PHACTR1: variants seen among roughly 807,000 people sequenced by gnomAD.
The protein encoded by PHACTR1 is phosphatase and actin regulator 1, also known as RPEL repeat containing 1.
In PHACTR1, 16 loss-of-function variants were observed where a neutral mutation model predicts 69.2. That is an observed-to-expected ratio of 0.23 (90% CI 0.16 to 0.35). The LOEUF is 0.35. Ranked by LOEUF, PHACTR1 falls within the 10% of genes least tolerant of loss-of-function variation. The probability of loss-of-function intolerance (pLI) is 1.00; values close to 1 mark genes in which losing one functional copy is unlikely to be tolerated. For missense variants in PHACTR1, 510 were observed against 734.7 expected (o/e 0.69, Z 3.54); for synonymous variants, 312 against 284.5 (o/e 1.10, Z -0.97).
Position 13,003,601 on chromosome 6 carries a change from T to G in PHACTR1, c.251-49764T>G, listed in dbSNP as rs146416782. Among the ~76,000 whole-genome samples the G allele has an allele frequency of 4.5e-3, 680 of 152,182 alleles. 24 individuals are homozygous for G. Among genetic ancestry groups the G allele is most frequent in the Admixed American group, 0.04 (610 of 15,276 alleles). On this transcript the variant is annotated intron_variant, in intron 4 of 14. Coordinates refer to ENST00000332995, the MANE Select transcript of PHACTR1 (RefSeq NM_030948.6). ...CTGCTTCTTTTAAAAAATTTTTTAATAGATTTAGGAAGTATAAGTGTCATT... is the reference window on the plus strand; with the variant it reads ...CTGCTTCTTTTAAAAAATTTTTTAAGAGATTTAGGAAGTATAAGTGTCATT...
chr6:13,003,486 T>C (rs1798336684), intron 4 of PHACTR1, among the ~76,000 whole-genome samples: 1 of 152,338 alleles, frequency 6.6e-6, no homozygotes, highest in African/African-American at 2.4e-5. Flanking sequence ...TGTAAATAGA[T>C]AGATGGATAG....
At chr6:13,144,925 A>G (rs566860401) in intron 5 of PHACTR1, among the ~76,000 whole-genome samples, 3 of 152,340 alleles carry the variant, frequency 2.0e-5, no homozygotes, top group African/African-American at 7.2e-5. Flanking sequence ...GGTGCAGGAT[A>G]GGCAAAGATA....
At chr6:13,119,043 G>A (rs1460748078) in intron 5 of PHACTR1, among the ~76,000 whole-genome samples, 1 of 151,912 alleles carries the variant, frequency 6.6e-6, no homozygotes, top group Non-Finnish European at 1.5e-5. Flanking sequence ...CTTATTAGAG[G>A]GCTTACGAAA....
intron 10 of PHACTR1, among the ~76,000 whole-genome samples, chr6:13,247,232 G>C (rs1318613380): frequency 6.6e-6 from 1 of 152,104 alleles, no homozygotes; most frequent in Non-Finnish European, 1.5e-5. Flanking sequence ...GTATTGAAAA[G>C]AGGTTTGCCT....
chr6:12,734,602 T>C (rs1459524155), intron 3 of PHACTR1, among the ~76,000 whole-genome samples: 1 of 152,136 alleles, frequency 6.6e-6, no homozygotes, highest in Non-Finnish European at 1.5e-5. Context: ...AGAAAAATAA[T>C]ATCCACATTA....
chr6:12,792,016 C>A (rs1161791435), intron 4 of PHACTR1, among the ~76,000 whole-genome samples: 1 of 152,116 alleles, frequency 6.6e-6, no homozygotes, highest in Non-Finnish European at 1.5e-5. Flanking sequence ...GCAGCCCCAA[C>A]AATGTGACAT....
chr6:13,146,830 T>C (rs904362738), intron 5 of PHACTR1, among the ~76,000 whole-genome samples: 1 of 152,202 alleles, frequency 6.6e-6, no homozygotes, highest in African/African-American at 2.4e-5. Flanking sequence ...AATCAATGAA[T>C]TTTCTTTTTA....
intron 4 of PHACTR1, among the ~76,000 whole-genome samples, chr6:12,968,699 G>T (rs1484675801): frequency 6.6e-6 from 1 of 152,096 alleles, no homozygotes. Flanking sequence ...AAGGGATATT[G>T]GATATATAGT....
chr6:12,786,200 T>A (rs1771524309), intron 4 of PHACTR1, among the ~76,000 whole-genome samples: 1 of 152,200 alleles, frequency 6.6e-6, no homozygotes, highest in African/African-American at 2.4e-5. Flanking sequence ...TATAAAGGAA[T>A]GTAATTGGGT....
intron 5 of PHACTR1, among the ~76,000 whole-genome samples, chr6:13,101,822 TG>T (rs1815212108): frequency 6.6e-6 from 1 of 152,160 alleles, no homozygotes; most frequent in Non-Finnish European, 1.5e-5. Flanking sequence ...ACAAACTCAG[TG>T]GTACGTCTCA....
At chr6:13,049,620 G>C (rs1487095384) in intron 4 of PHACTR1, among the ~76,000 whole-genome samples, 2 of 152,164 alleles carry the variant, frequency 1.3e-5, no homozygotes, top group African/African-American at 4.8e-5. Context: ...CAGAGATCCC[G>C]GGATGAGTGC....
chr6:12,876,572 G>C (rs1165972889), intron 4 of PHACTR1, among the ~76,000 whole-genome samples: 1 of 152,118 alleles, frequency 6.6e-6, no homozygotes, highest in Non-Finnish European at 1.5e-5. Context: ...TCTCCTGCAA[G>C]GCCAAGCATG....
rs1485763842 is a variant in PHACTR1 at position 13,038,767 on chromosome 6, C to T, written c.251-14598C>T. Among the ~76,000 whole-genome samples the T allele has an allele frequency of 4.6e-5, 7 of 152,268 alleles. No homozygotes were observed. The East Asian group carries it at 9.6e-4, about 21-fold the overall frequency. On this transcript the variant is annotated intron_variant, in intron 4 of 14. Transcript: ENST00000332995. The stretch of plus-strand genomic sequence containing the variant: ...CTCTCATATAAAAGAAGCACAGAGG[C>T]GGTCAGTTTAAGGCTGCTATGTCTG...
At chr6:12,836,227 A>T (rs1778145945) in intron 4 of PHACTR1, among the ~76,000 whole-genome samples, 1 of 152,136 alleles carries the variant, frequency 6.6e-6, no homozygotes, top group African/African-American at 2.4e-5. Flanking sequence ...CCTGGTACTG[A>T]GTTTCAACTG....
chr6:13,019,829 T>G (rs1046704738), intron 4 of PHACTR1, among the ~76,000 whole-genome samples: 1 of 152,194 alleles, frequency 6.6e-6, no homozygotes, highest in African/African-American at 2.4e-5. Context: ...GCCCTAAACT[T>G]CAATTTCTTC....
At chr6:12,898,918 A>G (rs1320299336) in intron 4 of PHACTR1, among the ~76,000 whole-genome samples, 1 of 152,106 alleles carries the variant, frequency 6.6e-6, no homozygotes, top group African/African-American at 2.4e-5. Context: ...GCCTCGCTGT[A>G]TCTCACCCCT....
chr6:12,755,804 G>T (rs557497903), intron 4 of PHACTR1, among the ~76,000 whole-genome samples: 75 of 152,182 alleles, frequency 4.9e-4, no homozygotes, highest in Middle Eastern at 3.4e-3. Context: ...AATTAAACGG[G>T]TATGTAAGAT....
intron 10 of PHACTR1, among the ~76,000 whole-genome samples, chr6:13,261,352 G>T (rs1049297726): frequency 4.6e-5 from 7 of 152,148 alleles, no homozygotes; most frequent in African/African-American, 1.7e-4. Context: ...AAAGGTTAAA[G>T]GTAAGGAAAA....
chr6:12,834,811 G>A (rs1479538031), intron 4 of PHACTR1, among the ~76,000 whole-genome samples: 5 of 152,076 alleles, frequency 3.3e-5, no homozygotes, highest in African/African-American at 4.8e-5. Context: ...GCTTAAATAT[G>A]CATATGGATT....
Sources: gnomAD v4.1 joint callset for allele counts (sites outside exome capture counted in the v4.1 genomes callset) on GRCh38, gnomAD v4.1.1 for gene constraint, MANE v1.5 for transcripts, NCBI Gene and HGNC (gene_info 2026-07-23, HGNC 2026-07-21) for gene names.